The following POLR2M variants were observed in gnomAD, a reference collection of about 807,000 sequenced individuals.
POLR2M encodes protein GRINL1A.
In POLR2M, 30 loss-of-function variants were observed where a neutral mutation model predicts 34.6. The observed-to-expected ratio is 0.87, with a 90% CI of 0.65 to 1.18. POLR2M has a LOEUF of 1.18. Ranked by LOEUF, POLR2M falls within the 50% of genes most tolerant of loss-of-function variation. The pLI is 0.00. For missense variants in POLR2M, 432 were observed against 448.7 expected (o/e 0.96, Z 0.34); for synonymous variants, 150 against 166.7 (o/e 0.90, Z 0.77).
chr15:57,710,386 A>C (rs1225046690), intron 2 of POLR2M, among the ~76,000 whole-genome samples: 1 of 152,250 alleles, frequency 6.6e-6, no homozygotes, highest in Non-Finnish European at 1.5e-5. Context: ...TGTAACATCA[A>C]AGTTAAATCA....
rs1182974943 is a variant in POLR2M, at chr15:57,716,410, G to A, written c.*1731G>A. 9 of 152,166 alleles carry A rather than the reference G, an allele frequency of 5.9e-5. No homozygotes were observed. Among genetic ancestry groups the A allele is most frequent in the African/African-American group, 1.2e-4 (5 of 41,424 alleles). 9.4% of individuals were successfully genotyped at this position (152,166 alleles called of 1,614,324 possible). A position where few individuals can be genotyped will look rare whatever the true frequency, so the allele number is the denominator to read the frequency against. Reference sequence around the variant, plus strand: ...AAATGACTTATTTCCAGAAGATACCGCTCTAAAAATGAAATTGTTAGGTGA... The same window carrying A: ...AAATGACTTATTTCCAGAAGATACCACTCTAAAAATGAAATTGTTAGGTGA... On this transcript the variant is annotated 3_prime_UTR_variant, in exon 4 of 4. Transcript: ENST00000299638.
chr15:57,710,500 C>T (rs1411886867), intron 2 of POLR2M, among the ~76,000 whole-genome samples: 4 of 152,156 alleles, frequency 2.6e-5, no homozygotes, highest in African/African-American at 7.2e-5. Flanking sequence ...ATTTTAACCT[C>T]AAAACATTTT....
At position 57,714,745 on chromosome 15, in the gene POLR2M, C is replaced by T. The variant is rs1382475294; in HGVS notation, c.*66C>T. On this transcript the variant is annotated 3_prime_UTR_variant, in exon 4 of 4. Coordinates refer to ENST00000299638, the MANE Select transcript of POLR2M (RefSeq NM_015532.5). ...TTACATCAGACTTTCTAACTAGTAT[C>T]AAGATCAGTGTCAGATATTGTTGAG... is the stretch of plus-strand genomic sequence containing the variant. 6.4e-7 allele frequency: 1 copy of T among 1,570,870 alleles called. No homozygotes were observed.
rs774563917 is a variant in POLR2M at position 57,717,196 on chromosome 15, G to GT, written c.*2523dup. ...TTAGGCCAATTTCTGGGCCTTCTGG[G>GT]TTTTTTCTACACTGTCAATAATTAT... On this transcript the variant is annotated 3_prime_UTR_variant, in exon 4 of 4. Transcript: ENST00000299638. 6.6e-6 allele frequency: 1 copy of GT among 151,906 alleles called. No homozygotes were observed. The allele number at this position is 151,906 out of a possible 1,614,324, so 9.4% of individuals were successfully genotyped here.
Position 57,709,360 on chromosome 15 carries a change from T to C in POLR2M, c.758+2T>C. 3 of 1,607,680 alleles carry C rather than the reference T, an allele frequency of 1.9e-6. No individual in the cohort carries two copies. Among genetic ancestry groups the C allele is most frequent in the Non-Finnish European group, 2.5e-6 (3 of 1,176,668 alleles). On this transcript the variant is annotated splice_donor_variant, in intron 2 of 3. Transcript: ENST00000299638. LOFTEE classifies it high-confidence loss of function. ...GCTGCGTAAATTTAAAACCAATGTGTAAGTACCCTCGGAAACAGGCCTGTA... is the reference window on the plus strand; with the variant it reads ...GCTGCGTAAATTTAAAACCAATGTGCAAGTACCCTCGGAAACAGGCCTGTA...
At chr15:57,714,438 G>C (rs1218927419) in intron 3 of POLR2M, 98 bp from the exon 4 acceptor site, 41 of 1,560,458 alleles carry the variant, frequency 2.6e-5, no homozygotes, top group Middle Eastern at 1.8e-4. Context: ...TGAGGTGTCA[G>C]TGTCCCTCTT....
At chr15:57,710,404 C>G (rs1472844285) in intron 2 of POLR2M, among the ~76,000 whole-genome samples, 1 of 152,230 alleles carries the variant, frequency 6.6e-6, no homozygotes, top group Non-Finnish European at 1.5e-5. Flanking sequence ...TCACTACTAC[C>G]TTTCTTTGAA....
intron 2 of POLR2M, among the ~76,000 whole-genome samples, chr15:57,709,645 C>T (rs540242722): frequency 6.6e-5 from 10 of 152,156 alleles, no homozygotes; most frequent in East Asian, 1.9e-4. Flanking sequence ...CCAGCCTGGC[C>T]GGAGTAGAAG....
intron 1 of POLR2M, chr15:57,707,366 G>A (rs1215371293): frequency 1.1e-5 from 8 of 707,804 alleles, no homozygotes; most frequent in East Asian, 2.8e-5. Context: ...GGGATATGAA[G>A]AGGGGTTTAT....
Position 57,708,836 on chromosome 15 carries a change from G to T in POLR2M, c.236G>T (p.Ser79Ile). 6.2e-7 allele frequency: 1 copy of T among 1,614,008 alleles called. No individual in the cohort carries two copies. The highest frequency in any genetic ancestry group is 1.1e-5 in the South Asian group (1 of 91,072). Residue 79 changes from serine (S) to isoleucine (I), a missense_variant, in exon 2 of 4, where the codon AGT becomes ATT. Transcript: ENST00000299638. The stretch of plus-strand genomic sequence containing the variant: ...AAAAGTGAACTGTTTAACCCTGTTA[G>T]TTTAGACTGTAAGCTAAGGCAAAAA... ...RRKSELFNPV[S>I]LDCKLRQKAI...
intron 1 of POLR2M, chr15:57,707,264 C>A: frequency 9.7e-7 from 1 of 1,032,034 alleles, no homozygotes; most frequent in South Asian, 1.7e-5. Flanking sequence ...GCTTTCTAAA[C>A]CCTTTTGTCG....
Position 57,714,796 on chromosome 15 carries a change from A to G in POLR2M, c.*117A>G. ...GGAAGTAATTTTATAAAGTTACACA[A>G]AGGTAGTTATAAAAAAAGCCCAGTT... is the stretch of plus-strand genomic sequence containing the variant. On this transcript the variant is annotated 3_prime_UTR_variant, in exon 4 of 4. Coordinates refer to ENST00000299638, the MANE Select transcript of POLR2M (RefSeq NM_015532.5). 2.7e-6 allele frequency: 4 copies of G among 1,485,128 alleles called. No homozygotes were observed. The highest frequency in any genetic ancestry group is 3.6e-6 in the Non-Finnish European group (4 of 1,110,954). The allele number at this position is 1,485,128 out of a possible 1,614,324, so 92.0% of individuals were successfully genotyped here.
At chr15:57,707,199 T>C (rs1415630692) in intron 1 of POLR2M, 10 of 1,458,496 alleles carry the variant, frequency 6.9e-6, no homozygotes, top group African/African-American at 1.4e-5. Context: ...TGCAGGGAGT[T>C]AGTAGCCCCT....
At position 57,717,493 on chromosome 15, in the gene POLR2M, G is replaced by A. The variant is rs1285401655; in HGVS notation, c.*2814G>A. ...TTTTAAGAATTATTTTACCAGTTAT[G>A]TGTATAACAATATGGTTTACATTTT... On this transcript the variant is annotated 3_prime_UTR_variant, in exon 4 of 4. Coordinates refer to ENST00000299638, the MANE Select transcript of POLR2M (RefSeq NM_015532.5). 7.2e-5 allele frequency: 11 copies of A among 152,104 alleles called. No homozygotes were observed. Among genetic ancestry groups the A allele is most frequent in the African/African-American group, 2.4e-4 (10 of 41,392 alleles). 9.4% of individuals were successfully genotyped at this position (152,104 alleles called of 1,614,324 possible).
intron 1 of POLR2M, chr15:57,707,266 C>A: frequency 2.0e-6 from 2 of 981,256 alleles, no homozygotes; most frequent in South Asian, 1.7e-5. Context: ...TTTCTAAACC[C>A]TTTTGTCGCC....
At chr15:57,707,294 A>G in intron 1 of POLR2M, 1 of 765,416 alleles carries the variant, frequency 1.3e-6, no homozygotes, top group Middle Eastern at 2.3e-4. Flanking sequence ...CTAACCCATA[A>G]CAGATTGTCA....
chr15:57,711,753 A>G (rs1409353250), intron 2 of POLR2M, among the ~76,000 whole-genome samples: 9 of 152,044 alleles, frequency 5.9e-5, no homozygotes, highest in Admixed American at 2.0e-4. Flanking sequence ...ATGAAAAAAA[A>G]AAAAAAAACT....
Position 57,714,554 on chromosome 15 carries a change from G to T in POLR2M, c.982G>T (p.Ala328Ser), listed in dbSNP as rs201582621. Residue 328 changes from alanine to serine, a missense_variant, in exon 4 of 4, where the codon GCA (alanine) becomes TCA (serine). Transcript: ENST00000299638. ...QNYEEMQAKL[A>S]AQKLAERLNI... Reference sequence around the variant, plus strand: ...TTTAAAGGAGATGCAAGCAAAGCTCGCAGCGCAAAAATTAGCTGAAAGACT... The same window carrying T: ...TTTAAAGGAGATGCAAGCAAAGCTCTCAGCGCAAAAATTAGCTGAAAGACT... 3 of 1,613,622 alleles carry T rather than the reference G, an allele frequency of 1.9e-6. No individual in the cohort carries two copies. Among genetic ancestry groups the T allele is most frequent in the Non-Finnish European group, 2.5e-6 (3 of 1,179,816 alleles).
Position 57,715,982 on chromosome 15 carries a change from G to C in POLR2M, c.*1303G>C, listed in dbSNP as rs541363954. The stretch of plus-strand genomic sequence containing the variant: ...TCTCATTAGTTTTAGTTCTTAAAAC[G>C]AATAGTAAATGATTTCACAGCGTAA... On this transcript the variant is annotated 3_prime_UTR_variant, in exon 4 of 4. Transcript: ENST00000299638. The C allele has an allele frequency of 6.6e-6, 1 of 152,296 alleles. No homozygotes were observed. The allele number at this position is 152,296 out of a possible 1,614,324, so 9.4% of individuals were successfully genotyped here. A position where few individuals can be genotyped will look rare whatever the true frequency, so the allele number is the denominator to read the frequency against.
Sources: allele counts gnomAD v4.1 joint callset (sites outside exome capture counted in the v4.1 genomes callset), GRCh38; gene constraint gnomAD v4.1.1; transcripts MANE v1.5; gene names NCBI Gene and HGNC (gene_info 2026-07-23, HGNC 2026-07-21).